Variants in ANKUB1 observed in about 807,000 individuals in gnomAD.
ANKUB1 encodes ankyrin repeat and ubiquitin domain containing 1, also known as protein ANKUB1.
In ANKUB1, 42 loss-of-function variants were observed where a neutral mutation model predicts 49.3. That is an observed-to-expected ratio of 0.85 (90% CI 0.67 to 1.10). ANKUB1 has a LOEUF of 1.10. Among genes scored for constraint, ANKUB1 ranks in the 50% least tolerant of loss-of-function variants. ANKUB1 has a pLI of 0.00. For missense variants in ANKUB1, 613 were observed against 642.0 expected (o/e 0.95, Z 0.49); for synonymous variants, 222 against 231.0 (o/e 0.96, Z 0.35).
rs1353081259 is a variant in ANKUB1 at position 149,792,392 on chromosome 3, A to T, written c.-26T>A. The T allele has an allele frequency of 6.9e-7, 1 of 1,450,542 alleles. No homozygotes were observed. Among genetic ancestry groups the T allele is most frequent in the Non-Finnish European group, 9.2e-7 (1 of 1,091,052 alleles). 89.9% of individuals were successfully genotyped at this position (1,450,542 alleles called of 1,614,324 possible). A position where few individuals can be genotyped will look rare whatever the true frequency, so the allele number is the denominator to read the frequency against. On this transcript the variant is annotated 5_prime_UTR_variant, in exon 1 of 6. Transcript: ENST00000446160. ...TGTACAATTACCTTTTCAAACAAAA[A>T]ATATCCAACTTTTTCAAAGATTCTC...
intron 2 of ANKUB1, 76 bp from the exon 3 acceptor site, chr3:149,780,531 G>A: frequency 9.0e-7 from 1 of 1,114,766 alleles, no homozygotes; most frequent in Non-Finnish European, 1.3e-6. Flanking sequence ...GGGTAGCTTT[G>A]AGCACCTCTA....
chr3:149,786,723 T>C (rs558022652), intron 2 of ANKUB1, among the ~76,000 whole-genome samples: 109 of 152,354 alleles, frequency 7.2e-4, no homozygotes, highest in African/African-American at 2.1e-3. Flanking sequence ...AGGTCTAACA[T>C]TTAAGTCTTT....
intron 3 of ANKUB1, among the ~76,000 whole-genome samples, chr3:149,777,942 C>G (rs1717676138): frequency 6.6e-6 from 1 of 152,216 alleles, no homozygotes; most frequent in Admixed American, 6.5e-5. Context: ...TCAACCTGGA[C>G]ATGACTGCTT....
chr3:149,791,026 A>T, intron 1 of ANKUB1, 102 bp from the exon 2 acceptor site: 1 of 1,199,274 alleles, frequency 8.3e-7, no homozygotes, highest in South Asian at 1.8e-5. Flanking sequence ...GGGCATTATA[A>T]TTGTTTGGGA....
intron 5 of ANKUB1, among the ~76,000 whole-genome samples, chr3:149,764,635 CCTCT>C (rs1485230322): frequency 1.9e-4 from 11 of 58,306 alleles, no homozygotes; most frequent in Admixed American, 1.8e-3. Flanking sequence ...TTCCTCCCTT[CCTCT>C]CTCTTTCTTT....
At chr3:149,784,359 G>A (rs1261035463) in intron 2 of ANKUB1, among the ~76,000 whole-genome samples, 2 of 152,182 alleles carry the variant, frequency 1.3e-5, no homozygotes, top group Admixed American at 6.5e-5. Flanking sequence ...GCATGGACAT[G>A]TGACAGGGTG....
intron 2 of ANKUB1, among the ~76,000 whole-genome samples, chr3:149,780,828 C>T (rs1379096196): frequency 6.6e-6 from 1 of 152,092 alleles, no homozygotes; most frequent in Non-Finnish European, 1.5e-5. Flanking sequence ...TTGAAATCTT[C>T]AGTCAATTAT....
chr3:149,780,480 C>T, intron 2 of ANKUB1, 25 bp from the exon 3 acceptor site: 5 of 1,532,870 alleles, frequency 3.3e-6, no homozygotes, highest in East Asian at 2.5e-5. Flanking sequence ...AAGGAGGGAA[C>T]TTATTGTCTG....
At chr3:149,766,764 C>T in intron 5 of ANKUB1, 2 of 976,046 alleles carry the variant, frequency 2.0e-6, no homozygotes, top group Admixed American at 2.0e-5. Flanking sequence ...CACCACTGCA[C>T]TCCAGCCTGA....
chr3:149,769,862 TATCTAAACCAA>T (rs1046047676), intron 4 of ANKUB1, among the ~76,000 whole-genome samples: 44 of 152,194 alleles, frequency 2.9e-4, no homozygotes, highest in African/African-American at 1.0e-3. Flanking sequence ...GAAAGTCTCA[TATCTAAACCAA>T]ATCGAAGTCA....
intron 3 of ANKUB1, among the ~76,000 whole-genome samples, chr3:149,773,159 C>T (rs1435849463): frequency 6.6e-6 from 1 of 151,978 alleles, no homozygotes; most frequent in Non-Finnish European, 1.5e-5. Context: ...CTTTCTGCTT[C>T]CCCTCTCTTT....
intron 2 of ANKUB1, 94 bp from the exon 3 acceptor site, chr3:149,780,549 G>A (rs1369554813): frequency 9.2e-6 from 8 of 866,968 alleles, no homozygotes; most frequent in Admixed American, 2.2e-5. Flanking sequence ...CTAGCTCCAC[G>A]ACATGGGTGT....
In ANKUB1 at chr3:149,767,335, T is replaced by C. The variant is rs1717075548; in HGVS notation, c.1327A>G (p.Asn443Asp). ...AGGGGGACTTGGGGAAGATATGTGT[T>C]TTTTATGAGCTTTTCTTTTTTCCTA... ...TARKKEKLIK[N>D]TYLPQVPLPP... The change falls in exon 5 of 6, where the codon AAC (asparagine) becomes GAC (aspartate). Residue 443 changes from asparagine to aspartate, a missense_variant. Physicochemically the swap from Asn to Asp is conservative, Grantham distance 23. Coordinates refer to ENST00000446160, the MANE Select transcript of ANKUB1 (RefSeq NM_001144960.3). 6.4e-7 allele frequency: 1 copy of C among 1,550,490 alleles called. No homozygotes were observed. The highest frequency in any genetic ancestry group is 8.7e-7 in the Non-Finnish European group (1 of 1,146,806).
At chr3:149,774,341 G>A (rs1717496097) in intron 3 of ANKUB1, among the ~76,000 whole-genome samples, 1 of 152,128 alleles carries the variant, frequency 6.6e-6, no homozygotes, top group Admixed American at 6.5e-5. Context: ...GGTCCCTGAT[G>A]GATCTCCCTG....
At chr3:149,778,889 AT>A (rs1445587899) in intron 3 of ANKUB1, 1 of 152,194 alleles carries the variant, frequency 6.6e-6, no homozygotes, top group Non-Finnish European at 1.5e-5. Context: ...CCCTATGTAT[AT>A]GTTGGGAGAA....
intron 4 of ANKUB1, among the ~76,000 whole-genome samples, chr3:149,768,684 G>A (rs1256172750): frequency 1.3e-5 from 2 of 152,146 alleles, no homozygotes; most frequent in Non-Finnish European, 2.9e-5. Flanking sequence ...TGGGATTACA[G>A]GTGCGAGCCA....
At chr3:149,791,148 A>G (rs1409468227) in intron 1 of ANKUB1, among the ~76,000 whole-genome samples, 4 of 152,200 alleles carry the variant, frequency 2.6e-5, no homozygotes, top group Admixed American at 2.6e-4. Context: ...ACTCTAAATG[A>G]AATTGAGATT....
intron 2 of ANKUB1, among the ~76,000 whole-genome samples, chr3:149,780,843 AT>A (rs1170023249): frequency 6.6e-6 from 1 of 151,788 alleles, no homozygotes; most frequent in Admixed American, 6.6e-5. Context: ...AATTATTATT[AT>A]TTTTTTTCTG....
chr3:149,765,779 T>C (rs558411387), intron 5 of ANKUB1, among the ~76,000 whole-genome samples: 1 of 152,380 alleles, frequency 6.6e-6, no homozygotes, highest in South Asian at 2.1e-4. Context: ...AGTATATTTC[T>C]AGAATTTTTG....
Sources: gnomAD v4.1 joint callset for allele counts (sites outside exome capture counted in the v4.1 genomes callset) on GRCh38, gnomAD v4.1.1 for gene constraint, MANE v1.5 for transcripts, NCBI Gene and HGNC (gene_info 2026-07-23, HGNC 2026-07-21) for gene names.